The following APBA2 variants were observed in gnomAD, a reference collection of about 807,000 sequenced individuals.
The protein encoded by APBA2 is amyloid beta precursor protein binding family A member 2.
APBA2 carries 30 observed loss-of-function variants against 75.0 expected under a neutral mutation model. The ratio of observed to expected loss-of-function variants is 0.40; its 90% CI spans 0.30 to 0.54. The LOEUF (loss-of-function observed/expected upper bound fraction) is 0.54. Among genes scored for constraint, APBA2 ranks in the 20% least tolerant of loss-of-function variants. APBA2 has a pLI of 0.49. For synonymous variants in APBA2, 444 were observed against 409.6 expected (o/e 1.08, Z -1.01); for missense variants, 801 against 1,016.1 (o/e 0.79, Z 2.88).
At chr15:28,892,639 A>ATGTGTG (rs772983227) in intron 1 of APBA2, among the ~76,000 whole-genome samples, 5 of 149,880 alleles carry the variant, frequency 3.3e-5, no homozygotes, top group East Asian at 1.9e-4. Context: ...CTGTGTGTAT[A>ATGTGTG]TGTGTGTGTG....
At chr15:28,973,243 T>C (rs2037164551) in intron 2 of APBA2, among the ~76,000 whole-genome samples, 1 of 152,236 alleles carries the variant, frequency 6.6e-6, no homozygotes, top group Admixed American at 6.5e-5. Context: ...ATTCTGTCAT[T>C]CTATGTGAAC....
At chr15:28,982,903 G>A (rs766502600) in intron 2 of APBA2, among the ~76,000 whole-genome samples, 9 of 152,228 alleles carry the variant, frequency 5.9e-5, no homozygotes, top group Non-Finnish European at 1.3e-4. Flanking sequence ...ATGACCCCAG[G>A]TTGTAGTGAT....
At chr15:29,112,383 C>T (rs1027652434) in intron 13 of APBA2, among the ~76,000 whole-genome samples, 1 of 152,200 alleles carries the variant, frequency 6.6e-6, no homozygotes, top group Admixed American at 6.5e-5. Flanking sequence ...GAGATATGGG[C>T]CAGCTGCAGA....
At chr15:29,101,407 T>A (rs1364704806) in intron 9 of APBA2, among the ~76,000 whole-genome samples, 192 bp from the exon 10 acceptor site, 5 of 152,124 alleles carry the variant, frequency 3.3e-5, no homozygotes, top group Admixed American at 6.5e-5. Context: ...TTATTTTATA[T>A]TTTTAGTAGA....
chr15:29,027,053 T>C (rs1461406355), intron 3 of APBA2, among the ~76,000 whole-genome samples: 2 of 152,242 alleles, frequency 1.3e-5, no homozygotes, highest in Admixed American at 6.5e-5. Context: ...CTTTATGATA[T>C]AAACCATTTT....
intron 4 of APBA2, among the ~76,000 whole-genome samples, chr15:29,073,954 A>C (rs984976890): frequency 2.0e-5 from 3 of 152,178 alleles, no homozygotes; most frequent in Non-Finnish European, 4.4e-5. Flanking sequence ...TCTATGTTGT[A>C]GTAACAGATT....
intron 2 of APBA2, among the ~76,000 whole-genome samples, chr15:28,987,864 C>T (rs977311015): frequency 6.7e-6 from 1 of 149,990 alleles, no homozygotes; most frequent in Non-Finnish European, 1.5e-5. Flanking sequence ...TCAAGTGATT[C>T]TTCTGCCTCA....
At position 29,035,585 on chromosome 15, in the gene APBA2, G is replaced by T. The variant is rs114053369; in HGVS notation, c.-40-18260G>T. The stretch of plus-strand genomic sequence containing the variant: ...TCTCAGTTGTGGAAGCTGCTAATGT[G>T]TTTTTCTGGGACATCATCATGGGAT... On this transcript the variant is annotated intron_variant, in intron 3 of 14. Coordinates refer to ENST00000683413, the MANE Select transcript of APBA2 (RefSeq NM_001353788.2). 5.6e-3 allele frequency among the ~76,000 whole-genome samples: 852 copies of T among 152,296 alleles called. 8 individuals are homozygous for T. Among genetic ancestry groups the T allele is most frequent in the African/African-American group, 0.019 (805 of 41,554 alleles).
In APBA2 at chr15:28,890,215, C is replaced by T. The variant is rs1428619276; in HGVS notation, c.-205+3937C>T. Among the ~76,000 whole-genome samples, 7 of 152,214 alleles carry T rather than the reference C, an allele frequency of 4.6e-5. No individual in the cohort carries two copies. In the East Asian group the frequency reaches 7.7e-4, roughly 17 times the overall value. The stretch of plus-strand genomic sequence containing the variant: ...AGAGCTGTAGAATTGTACAGTGCAA[C>T]GTCAGTTTCACATAGGCCAGAGGAG... On this transcript the variant is annotated intron_variant, in intron 1 of 14. Transcript: ENST00000683413.
At chr15:28,919,454 A>G (rs1234514864) in intron 1 of APBA2, 3 of 152,376 alleles carry the variant, frequency 2.0e-5, no homozygotes, top group Non-Finnish European at 4.4e-5. Context: ...CTTCAGGAAC[A>G]TGTGGCAGGT....
chr15:28,918,267 C>G lies in APBA2; in HGVS notation c.-204-3373C>G, dbSNP rs1379771830. Among the ~76,000 whole-genome samples, 1 of 152,204 alleles carries G rather than the reference C, an allele frequency of 6.6e-6. No homozygotes were observed. Among genetic ancestry groups the G allele is most frequent in the East Asian group, 1.9e-4 (1 of 5,162 alleles). On this transcript the variant is annotated intron_variant, in intron 1 of 14. Transcript: ENST00000683413. This position sits in a 1 kb window ranked among gnomAD's most constrained non-coding sequence, Gnocchi z 4.2. ...GGTCAGTGACAGAGCCGGGTCTCAACCCAGGCCACTGCCCTCGGCAGCCAA... is the reference window on the plus strand; with the variant it reads ...GGTCAGTGACAGAGCCGGGTCTCAAGCCAGGCCACTGCCCTCGGCAGCCAA...
At chr15:29,029,954 C>T (rs977837732) in intron 3 of APBA2, among the ~76,000 whole-genome samples, 9 of 152,158 alleles carry the variant, frequency 5.9e-5, no homozygotes, top group African/African-American at 9.7e-5. Flanking sequence ...CCAGACCACG[C>T]GGGCTACATG....
chr15:29,111,836 C>T (rs761379761), intron 13 of APBA2, among the ~76,000 whole-genome samples: 3 of 152,134 alleles, frequency 2.0e-5, no homozygotes, highest in Non-Finnish European at 2.9e-5. Context: ...ACTGCCCAGC[C>T]GGGACCTCCA....
intron 3 of APBA2, among the ~76,000 whole-genome samples, chr15:28,998,482 A>G (rs2038663348): frequency 6.6e-6 from 1 of 152,152 alleles, no homozygotes; most frequent in Admixed American, 6.5e-5. Flanking sequence ...AACCTAGCCC[A>G]AAGTGTTCTT....
chr15:29,042,469 A>G (rs1229809051), intron 3 of APBA2, among the ~76,000 whole-genome samples: 2 of 152,106 alleles, frequency 1.3e-5, no homozygotes, highest in Non-Finnish European at 2.9e-5. Flanking sequence ...TGTGTTAGCC[A>G]GGATGGTCTC....
rs370646611 is a variant in APBA2, at chr15:29,093,196, G to A, written c.1191G>A (p.Ala397=). ...CCAAAAACATCAGAATGATGCAAGCGCAGGAGGCCGTCAGCCGGGTCAAGG... is the reference window on the plus strand; with the variant it reads ...CCAAAAACATCAGAATGATGCAAGCACAGGAGGCCGTCAGCCGGGTCAAGG... The part of the protein sequence containing the change: ...NPSKNIRMMQ[A]QEAVSRVKRM... Residue 397 remains alanine (A), a synonymous_variant, in exon 7 of 15, where the codon GCG becomes GCA. Coordinates refer to ENST00000683413, the MANE Select transcript of APBA2 (RefSeq NM_001353788.2). The A allele has an allele frequency of 7.4e-6, 12 of 1,614,108 alleles. No homozygotes were observed. The highest frequency in any genetic ancestry group is 4.0e-5 in the African/African-American group (3 of 74,950).
chr15:29,074,779 A>T (rs769514551), intron 4 of APBA2, 142 bp from the exon 5 acceptor site: 8 of 706,500 alleles, frequency 1.1e-5, no homozygotes, highest in South Asian at 1.1e-4. Flanking sequence ...AAGTATAATT[A>T]AATAGACGTC....
intron 3 of APBA2, among the ~76,000 whole-genome samples, chr15:29,013,942 A>G (rs1359885679): frequency 1.3e-5 from 2 of 152,244 alleles, no homozygotes; most frequent in Middle Eastern, 6.3e-3. Flanking sequence ...CAAGCAGGAT[A>G]TGTAAGATCT....
At chr15:28,899,118 C>T (rs1400277362) in intron 1 of APBA2, among the ~76,000 whole-genome samples, 3 of 152,214 alleles carry the variant, frequency 2.0e-5, no homozygotes, top group East Asian at 3.9e-4. Context: ...GGAGATGTGG[C>T]GCATGGAGAA....
Sources: allele counts gnomAD v4.1 joint callset (sites outside exome capture counted in the v4.1 genomes callset), GRCh38; gene constraint gnomAD v4.1.1; non-coding constraint Gnocchi (gnomAD v3.1); transcripts MANE v1.5; gene names NCBI Gene and HGNC (gene_info 2026-07-23, HGNC 2026-07-21).